SMTN: variants seen among roughly 807,000 people sequenced by gnomAD.
SMTN encodes smoothelin.
SMTN carries 58 observed loss-of-function variants against 102.0 expected under a neutral mutation model. The ratio of observed to expected loss-of-function variants is 0.57; its 90% CI spans 0.46 to 0.71. The LOEUF (loss-of-function observed/expected upper bound fraction) is 0.71. Ranked by LOEUF, SMTN falls within the 30% of genes least tolerant of loss-of-function variation. The pLI is 0.00. For synonymous variants in SMTN, 478 were observed against 497.9 expected, an observed-to-expected ratio of 0.96 and a Z score of 0.53; for missense variants, 1,185 against 1,241.7, an observed-to-expected ratio of 0.95 and a Z score of 0.69.
intron 11 of SMTN, among the ~76,000 whole-genome samples, chr22:31,094,097 C>T (rs2043369340): frequency 6.6e-6 from 1 of 152,244 alleles, no homozygotes; most frequent in African/African-American, 2.4e-5. Flanking sequence ...AGGCCCCAGC[C>T]CCCAGCTCCC....
chr22:31,093,772 G>A (rs959592329), intron 11 of SMTN: 32 of 1,592,810 alleles, frequency 2.0e-5, no homozygotes, highest in Non-Finnish European at 2.6e-5. Flanking sequence ...CGACCCCGAG[G>A]CCCTCTTTCA....
At chr22:31,083,029 G>T in intron 1 of SMTN, 150 bp from the exon 2 acceptor site, 1 of 1,398,536 alleles carries the variant, frequency 7.2e-7, no homozygotes, top group Non-Finnish European at 9.9e-7. Context: ...ACCACCCTAG[G>T]GCAGAGGGCA....
intron 11 of SMTN, among the ~76,000 whole-genome samples, chr22:31,094,251 G>A (rs2043384529): frequency 1.3e-5 from 2 of 152,250 alleles, no homozygotes; most frequent in South Asian, 4.1e-4. Context: ...CAAGGGGCTA[G>A]GGAGATGCCC....
chr22:31,088,130 G>A lies in SMTN; in HGVS notation c.200+17G>A. 6.3e-7 allele frequency: 1 copy of A among 1,577,874 alleles called. No individual in the cohort carries two copies. Among genetic ancestry groups the A allele is most frequent in the Non-Finnish European group, 8.6e-7 (1 of 1,156,660 alleles). Reference sequence around the variant, plus strand: ...CTGGCTGCAGTGAGTAGCGGGGGGTGGAACATGCGGGTGAGAAGGTGAGTG... The same window carrying A: ...CTGGCTGCAGTGAGTAGCGGGGGGTAGAACATGCGGGTGAGAAGGTGAGTG... On this transcript the variant is annotated intron_variant, in intron 3 of 20. Transcript: ENST00000333137.
intron 1 of SMTN, 132 bp from the exon 2 acceptor site, chr22:31,083,047 G>T: frequency 7.0e-7 from 1 of 1,432,640 alleles, no homozygotes; most frequent in Non-Finnish European, 9.6e-7. Flanking sequence ...GCAGCTTCCA[G>T]CCAGGAGCCA....
chr22:31,084,608 G>C (rs2042536621), intron 2 of SMTN, among the ~76,000 whole-genome samples: 1 of 152,248 alleles, frequency 6.6e-6, no homozygotes, highest in African/African-American at 2.4e-5. Flanking sequence ...AGTCCAAAAA[G>C]AGGGAATGCC....
At chr22:31,078,871 C>T (rs984231090), upstream of SMTN, among the ~76,000 whole-genome samples, 18 of 145,354 alleles carry the variant, frequency 1.2e-4, no homozygotes, top group Admixed American at 3.6e-4. Context: ...CAGCAAGACC[C>T]TGTCTCCAAA....
Position 31,095,409 on chromosome 22 carries a change from C to T in SMTN, c.1739C>T (p.Ala580Val), listed in dbSNP as rs775746213. ...CCAGAAGGGCGGAGCCCTCTGAGCG[C>T]TGAGGAGCTGATGACTATTGAGGAT... Reference protein sequence around the residue: ...KAPEGRSPLSAEELMTIEDEG... With the variant: ...KAPEGRSPLSVEELMTIEDEG... The change falls in exon 12 of 21, where the codon GCT becomes GTT. Residue 580 changes from alanine to valine, a missense_variant. Transcript: ENST00000333137. This position sits in a 1 kb window ranked among gnomAD's most constrained non-coding sequence, Gnocchi z 4.1. The T allele has an allele frequency of 2.3e-5, 37 of 1,614,146 alleles. No homozygotes were observed. Among genetic ancestry groups the T allele is most frequent in the Middle Eastern group, 1.6e-4 (1 of 6,084 alleles).
chr22:31,098,110 C>T (rs963450953), intron 16 of SMTN, among the ~76,000 whole-genome samples: 1 of 152,192 alleles, frequency 6.6e-6, no homozygotes, highest in African/African-American at 2.4e-5. Context: ...AAAGCAGGAA[C>T]AGGATCAGAA....
chr22:31,072,720 C>T (rs865911581), intron 1 of SMTN, among the ~76,000 whole-genome samples: 1 of 152,152 alleles, frequency 6.6e-6, no homozygotes, highest in Non-Finnish European at 1.5e-5. Context: ...CCTCAGCCCC[C>T]CAGAGTGCTG....
At chr22:31,090,732 A>G in intron 8 of SMTN, 76 bp from the exon 9 acceptor site, 1 of 1,172,736 alleles carries the variant, frequency 8.5e-7, no homozygotes, top group Non-Finnish European at 1.3e-6. Context: ...GGAGAGGATT[A>G]TGAAAGGTGG....
chr22:31,076,692 C>T (rs1200438073), upstream of SMTN, among the ~76,000 whole-genome samples: 1 of 152,192 alleles, frequency 6.6e-6, no homozygotes, highest in Non-Finnish European at 1.5e-5. Context: ...TGATTTGCTA[C>T]ACTACCTGAA....
intron 20 of SMTN, 117 bp from the exon 21 acceptor site, chr22:31,104,199 T>G: frequency 1.6e-6 from 2 of 1,225,756 alleles, no homozygotes; most frequent in Non-Finnish European, 1.1e-6. Context: ...CTTTTCCCTG[T>G]CTGGAGTTTA....
At chr22:31,090,305 G>C (rs2074738) in intron 8 of SMTN, 125 bp downstream of exon 8, 98,496 of 723,646 alleles carry the variant, frequency 0.14, 9,345 homozygotes, top group East Asian at 0.44. Flanking sequence ...TGCAGTCCCT[G>C]ATACTGCACC....
At chr22:31,066,114 T>C (rs2041842872) in intron 1 of SMTN, 2 of 152,128 alleles carry the variant, frequency 1.3e-5, no homozygotes, top group South Asian at 4.1e-4. Context: ...GAGCGCCTCA[T>C]AGAGATGGAC....
rs780593004 is a variant in SMTN, at chr22:31,091,820, C to A, written c.1605C>A (p.Pro535=). ...TCACCAGCTTCAGCCATGCCCCCCC[C>A]AGTAGCCGAGGAGGCTGCAGCATCA... The part of the protein sequence containing the change: ...THVTSFSHAP[P]SSRGGCSIKM... The change falls in exon 11 of 21, where the codon CCC becomes CCA. Residue 535 remains proline (P), a synonymous_variant. Transcript: ENST00000333137. The A allele has an allele frequency of 1.2e-5, 20 of 1,600,636 alleles. No homozygotes were observed. In the South Asian group the frequency reaches 1.3e-4, roughly 11 times the overall value.
chr22:31,098,582 A>AT, intron 16 of SMTN, 85 bp from the exon 17 acceptor site: 2 of 1,298,372 alleles, frequency 1.5e-6, no homozygotes, highest in Non-Finnish European at 1.1e-6. Context: ...GTGCTACAAG[A>AT]CCCCCCCTCC....
chr22:31,083,014 A>C, intron 1 of SMTN, 165 bp from the exon 2 acceptor site: 2 of 1,424,006 alleles, frequency 1.4e-6, no homozygotes, highest in Non-Finnish European at 1.9e-6. Context: ...TGAGTTTTCC[A>C]GCAAACCACC....
intron 1 of SMTN, among the ~76,000 whole-genome samples, chr22:31,074,018 C>T (rs1464781875): frequency 1.3e-5 from 2 of 152,334 alleles, no homozygotes; most frequent in East Asian, 3.9e-4. Context: ...AGTGGAATCT[C>T]TTAAGGCCCA....
Sources: allele counts gnomAD v4.1 joint callset (sites outside exome capture counted in the v4.1 genomes callset), GRCh38; gene constraint gnomAD v4.1.1; non-coding constraint Gnocchi (gnomAD v3.1); transcripts MANE v1.5; gene names NCBI Gene and HGNC (gene_info 2026-07-23, HGNC 2026-07-21).